The following PHACTR2 variants were observed in gnomAD, a reference collection of about 807,000 sequenced individuals.
PHACTR2 encodes the protein phosphatase and actin regulator 2.
PHACTR2 carries 30 observed loss-of-function variants against 76.0 expected under a neutral mutation model. The ratio of observed to expected loss-of-function variants is 0.39; its 90% confidence interval spans 0.30 to 0.54. The LOEUF (loss-of-function observed/expected upper bound fraction) is 0.54, where lower values mean the gene tolerates loss of function less well. PHACTR2 is among the 20% of genes least tolerant of loss of function. The pLI, the probability that PHACTR2 is intolerant of heterozygous loss-of-function variation, is 0.61. For synonymous variants in PHACTR2, 292 were observed against 292.5 expected, an observed-to-expected ratio of 1.00 and a Z score of 0.02; for missense variants, 696 against 781.1, an observed-to-expected ratio of 0.89 and a Z score of 1.30.
chr6:143,598,956 G>A lies in PHACTR2; in HGVS notation c.217+61749G>A, dbSNP rs1411206643. On this transcript the variant is annotated intron_variant, in intron 1 of 11. Transcript: ENST00000367584. This position sits in a 1 kb window ranked among gnomAD's most constrained non-coding sequence, Gnocchi z 4.1. ...AGTAAACATAGTAGATTAGTCCTTT[G>A]TAATTAAATTTAGATAGCATCTCAC... Among the ~76,000 whole-genome samples, 1 of 152,150 alleles carries A rather than the reference G, an allele frequency of 6.6e-6. No individual in the cohort carries two copies.
rs8180640 is a variant in PHACTR2, at chr6:143,698,050, C to T, written c.47-13966C>T. On this transcript the variant is annotated intron_variant, in intron 1 of 12. Transcript: ENST00000440869. This position sits in a 1 kb window ranked among gnomAD's most constrained non-coding sequence, Gnocchi z 4.3. ...AACTGGCTATTCTGAGGTTCTGTTA[C>T]GGGCTTTTTCCCATCATTCTAGAAC... Among the ~76,000 whole-genome samples the T allele has an allele frequency of 0.19, 29,140 of 152,102 alleles. 2,962 individuals carry two copies. The highest frequency in any genetic ancestry group is 0.35 in the East Asian group (1,807 of 5,176).
intron 1 of PHACTR2, among the ~76,000 whole-genome samples, chr6:143,579,237 TGTGTGAACAAGAAGGGAA>T (rs1395681008): frequency 2.0e-5 from 3 of 152,220 alleles, no homozygotes; most frequent in African/African-American, 7.2e-5. Flanking sequence ...GTAACATAGC[TGTGTGAACAAGAAGGGAA>T]AGGTGTACTG....
In PHACTR2 at chr6:143,641,083, A is replaced by G. The variant is rs1562256456; in HGVS notation, c.13+32761A>G. 6.6e-6 allele frequency among the ~76,000 whole-genome samples: 1 copy of G among 152,166 alleles called. No homozygotes were observed. Among genetic ancestry groups the G allele is most frequent in the Non-Finnish European group, 1.5e-5 (1 of 68,032 alleles). ...CAAGGTGCTGGCATCTGCTGAGGGCATTCTTCATGACTCAGGGAGGCAGGT... is the reference window on the plus strand; with the variant it reads ...CAAGGTGCTGGCATCTGCTGAGGGCGTTCTTCATGACTCAGGGAGGCAGGT... On this transcript the variant is annotated intron_variant, in intron 1 of 11. Coordinates refer to the PHACTR2 transcript ENST00000305766. This position sits in a 1 kb window ranked among gnomAD's most constrained non-coding sequence, Gnocchi z 5.8.
At chr6:143,705,440 G>T (rs1442126134) in intron 1 of PHACTR2, among the ~76,000 whole-genome samples, 1 of 151,640 alleles carries the variant, frequency 6.6e-6, no homozygotes. Flanking sequence ...GACTACAGGC[G>T]CCCGCCACTG....
At chr6:143,685,323 A>G (rs185965269) in intron 1 of PHACTR2, among the ~76,000 whole-genome samples, 1 of 152,172 alleles carries the variant, frequency 6.6e-6, no homozygotes, top group Non-Finnish European at 1.5e-5. Context: ...AGTTGAAAGA[A>G]ATATTTAATT....
rs1202199769 is a variant in PHACTR2 at position 143,753,565 on chromosome 6, AG to A, written c.296-188del. The stretch of plus-strand genomic sequence containing the variant: ...AATGGCGCATAGATATTCCCTCCAT[AG>A]CAGCTTTTCCCCAAGACAGAGGATT... On this transcript the variant is annotated intron_variant, in intron 3 of 12. Transcript: ENST00000440869. This position sits in a 1 kb window ranked among gnomAD's most constrained non-coding sequence, Gnocchi z 4.6. 6.6e-6 allele frequency among the ~76,000 whole-genome samples: 1 copy of A among 152,168 alleles called. No homozygotes were observed. The highest frequency in any genetic ancestry group is 1.5e-5 in the Non-Finnish European group (1 of 68,024).
chr6:143,629,237 G>A (rs901252898), intron 1 of PHACTR2, among the ~76,000 whole-genome samples: 2 of 151,884 alleles, frequency 1.3e-5, no homozygotes, highest in Non-Finnish European at 2.9e-5. Context: ...TCTTCTGGAG[G>A]GGGAAAGAGA....
Position 143,610,593 on chromosome 6 carries a change from G to A in PHACTR2, c.13+2271G>A, listed in dbSNP as rs1199285234. Among the ~76,000 whole-genome samples the A allele has an allele frequency of 6.6e-6, 1 of 152,180 alleles. No homozygotes were observed. The highest frequency in any genetic ancestry group is 2.4e-5 in the African/African-American group (1 of 41,442). ...CTCATTTATTCAAGTCACATAGAAC[G>A]CTGCATCAGGATATTTGTGCATGGT... On this transcript the variant is annotated intron_variant, in intron 1 of 11. Transcript: ENST00000305766. The surrounding 1 kb of genome is among the most constrained non-coding windows in gnomAD (Gnocchi z 4.9).
Position 143,800,922 on chromosome 6 carries a change from G to A in PHACTR2, c.1846-6135G>A, listed in dbSNP as rs1463042892. ...ACAAAATCTCTCAGCATTTGCTTGT[G>A]TGGAAAGGATTTTATTTCTCCTTCA... On this transcript the variant is annotated intron_variant, in intron 11 of 12. Coordinates refer to ENST00000440869, the MANE Select transcript of PHACTR2 (RefSeq NM_001100164.2). The surrounding 1 kb of genome is among the most constrained non-coding windows in gnomAD (Gnocchi z 4.8). Among the ~76,000 whole-genome samples the A allele has an allele frequency of 1.3e-5, 2 of 152,152 alleles. No individual in the cohort carries two copies. The highest frequency in any genetic ancestry group is 1.3e-4 in the Admixed American group (2 of 15,282).
rs1157221671 is a variant in PHACTR2, at chr6:143,761,331, C to T, written c.694+691C>T. ...AAATCACCAGTGGATGTTTGAGTGA[C>T]CTGCAATAACTCATGCAATATGTAT... On this transcript the variant is annotated intron_variant, in intron 5 of 12. Coordinates refer to ENST00000440869, the MANE Select transcript of PHACTR2 (RefSeq NM_001100164.2). This position sits in a 1 kb window ranked among gnomAD's most constrained non-coding sequence, Gnocchi z 5.2. 1.3e-5 allele frequency among the ~76,000 whole-genome samples: 2 copies of T among 152,172 alleles called. No individual in the cohort carries two copies. Among genetic ancestry groups the T allele is most frequent in the African/African-American group, 4.8e-5 (2 of 41,436 alleles).
chr6:143,799,980 G>A (rs1775915408), intron 11 of PHACTR2, among the ~76,000 whole-genome samples: 1 of 152,156 alleles, frequency 6.6e-6, no homozygotes, highest in South Asian at 2.1e-4. Context: ...TGACAGTGGG[G>A]TGTTAAAGTC....
chr6:143,704,250 C>T (rs1777989660), intron 1 of PHACTR2, among the ~76,000 whole-genome samples: 1 of 152,028 alleles, frequency 6.6e-6, no homozygotes, highest in South Asian at 2.1e-4. Context: ...ATACTACTTA[C>T]CTTATCTGGA....
intron 1 of PHACTR2, among the ~76,000 whole-genome samples, chr6:143,573,355 A>G (rs898508488): frequency 4.6e-5 from 7 of 152,164 alleles, no homozygotes; most frequent in Non-Finnish European, 5.9e-5. Flanking sequence ...ATCGAGATGC[A>G]TGGAGACTTT....
At chr6:143,567,985 G>A (rs949207766) in intron 1 of PHACTR2, among the ~76,000 whole-genome samples, 1 of 152,204 alleles carries the variant, frequency 6.6e-6, no homozygotes, top group East Asian at 1.9e-4. Flanking sequence ...TGGTATAGTC[G>A]CTATGCATCT....
At position 143,809,680 on chromosome 6, in the gene PHACTR2, GT is replaced by G. The variant is rs1329761013; in HGVS notation, c.1922+2552del. On this transcript the variant is annotated intron_variant, in intron 12 of 12. Transcript: ENST00000440869. This position sits in a 1 kb window ranked among gnomAD's most constrained non-coding sequence, Gnocchi z 4.2. ...AAGCTTGATGTAGATCCTTTTAGAT[GT>G]TTTTCCATGCATTTATAAATGTGTG... Among the ~76,000 whole-genome samples the G allele has an allele frequency of 3.3e-5, 5 of 151,458 alleles. No individual in the cohort carries two copies. Among genetic ancestry groups the G allele is most frequent in the Non-Finnish European group, 5.9e-5 (4 of 67,910 alleles).
chr6:143,575,393 A>G (rs1290513845), intron 1 of PHACTR2, among the ~76,000 whole-genome samples: 1 of 152,254 alleles, frequency 6.6e-6, no homozygotes, highest in Admixed American at 6.5e-5. Flanking sequence ...TGGAAATGTT[A>G]TAATGTGACT....
chr6:143,736,079 A>G (rs1778811937), intron 2 of PHACTR2, among the ~76,000 whole-genome samples: 1 of 152,172 alleles, frequency 6.6e-6, no homozygotes, highest in Non-Finnish European at 1.5e-5. Flanking sequence ...CCCAGGTGGG[A>G]GTGCAATGGC....
At chr6:143,785,538 T>A (rs1775535989) in intron 10 of PHACTR2, among the ~76,000 whole-genome samples, 1 of 152,142 alleles carries the variant, frequency 6.6e-6, no homozygotes, top group African/African-American at 2.4e-5. Flanking sequence ...ACAGTGACCC[T>A]CTTTGCACAG....
rs11961927 is a variant in PHACTR2 at position 143,581,071 on chromosome 6, G to A, written c.217+43864G>A. Among the ~76,000 whole-genome samples, 45,163 of 152,110 alleles carry A rather than the reference G, an allele frequency of 0.3. 6,791 individuals are homozygous for A. The highest frequency in any genetic ancestry group is 0.42 in the Middle Eastern group (123 of 294). ...TGTCTAGCCAACATTTTGGAAAAGT[G>A]TGGGAAATCCCTCAGGGCCAAAACC... On this transcript the variant is annotated intron_variant, in intron 1 of 11. Transcript: ENST00000367584. This position sits in a 1 kb window ranked among gnomAD's most constrained non-coding sequence, Gnocchi z 4.5.
Sources: gnomAD v4.1 joint callset for allele counts (sites outside exome capture counted in the v4.1 genomes callset) on GRCh38, gnomAD v4.1.1 for gene constraint, Gnocchi (gnomAD v3.1) non-coding constraint, MANE v1.5 for transcripts, NCBI Gene and HGNC (gene_info 2026-07-23, HGNC 2026-07-21) for gene names.